SMAP1: variants seen among roughly 807,000 people sequenced by gnomAD.
SMAP1 encodes the protein stromal membrane-associated protein 1.
A neutral mutation model predicts 58.5 loss-of-function variants in SMAP1; 24 were observed. The ratio of observed to expected loss-of-function variants is 0.41; its 90% confidence interval spans 0.30 to 0.58. The LOEUF (loss-of-function observed/expected upper bound fraction) is 0.58. Among genes scored for constraint, SMAP1 ranks in the 20% least tolerant of loss-of-function variants. The probability of loss-of-function intolerance (pLI) is 0.29; values close to 1 mark genes in which losing one functional copy is unlikely to be tolerated. For missense variants in SMAP1, 563 were observed against 566.3 expected, an observed-to-expected ratio of 0.99 and a Z score of 0.06; for synonymous variants, 216 against 196.6, an observed-to-expected ratio of 1.10 and a Z score of -0.82.
intron 2 of SMAP1, among the ~76,000 whole-genome samples, chr6:70,742,768 A>C (rs1765868722): frequency 6.6e-6 from 1 of 152,226 alleles, no homozygotes; most frequent in Non-Finnish European, 1.5e-5. Context: ...AAGAGGTTTT[A>C]ATGGACTCAC....
At chr6:70,713,571 G>A (rs539053433) in intron 1 of SMAP1, among the ~76,000 whole-genome samples, 7 of 152,044 alleles carry the variant, frequency 4.6e-5, no homozygotes, top group Non-Finnish European at 7.4e-5. Flanking sequence ...TGTTCTTCTT[G>A]TTATCTAGTT....
intron 1 of SMAP1, among the ~76,000 whole-genome samples, chr6:70,686,076 C>T (rs868635286): frequency 3.9e-5 from 6 of 151,978 alleles, no homozygotes; most frequent in East Asian, 1.9e-4. Context: ...AACTAGAAAA[C>T]GCCATTTGAT....
chr6:70,695,555 C>T (rs1038902369), intron 1 of SMAP1, among the ~76,000 whole-genome samples: 1 of 152,002 alleles, frequency 6.6e-6, no homozygotes, highest in East Asian at 1.9e-4. Flanking sequence ...GGTTTTTGTC[C>T]TTCATTCAAT....
chr6:70,695,923 GA>G (rs1477366575), intron 1 of SMAP1, among the ~76,000 whole-genome samples: 8 of 152,092 alleles, frequency 5.3e-5, no homozygotes, highest in African/African-American at 1.4e-4. Flanking sequence ...TCTTTGCTGG[GA>G]TACTTTGTAT....
chr6:70,705,192 T>C (rs954552497), intron 1 of SMAP1, among the ~76,000 whole-genome samples: 2 of 152,158 alleles, frequency 1.3e-5, no homozygotes, highest in African/African-American at 4.8e-5. Flanking sequence ...TTCAAAGTTA[T>C]ACTGCATTTA....
At chr6:70,703,385 A>T (rs139228242) in intron 1 of SMAP1, among the ~76,000 whole-genome samples, 1 of 152,102 alleles carries the variant, frequency 6.6e-6, no homozygotes. Flanking sequence ...GCATTTTTCA[A>T]TTGAATGCTA....
chr6:70,830,808 A>G (rs1295725170), intron 6 of SMAP1, among the ~76,000 whole-genome samples: 1 of 152,224 alleles, frequency 6.6e-6, no homozygotes, highest in Non-Finnish European at 1.5e-5. Flanking sequence ...AACATTGGTG[A>G]TTTATATTGT....
At chr6:70,671,580 G>C (rs1766267892) in intron 1 of SMAP1, among the ~76,000 whole-genome samples, 1 of 152,084 alleles carries the variant, frequency 6.6e-6, no homozygotes, top group South Asian at 2.1e-4. Flanking sequence ...TCCGTCTCAG[G>C]GAAAAACAAA....
chr6:70,722,106 T>C (rs1201663667), intron 1 of SMAP1, among the ~76,000 whole-genome samples: 2 of 152,202 alleles, frequency 1.3e-5, no homozygotes, highest in Non-Finnish European at 2.9e-5. Flanking sequence ...GGACAACAAA[T>C]TTGTCAAGCT....
intron 4 of SMAP1, among the ~76,000 whole-genome samples, chr6:70,784,823 T>A (rs951542219): frequency 3.3e-4 from 50 of 152,118 alleles, no homozygotes; most frequent in African/African-American, 1.1e-3. Flanking sequence ...GTGACCTACA[T>A]AAAGACTTAG....
At chr6:70,823,350 T>G (rs575622132) in intron 6 of SMAP1, among the ~76,000 whole-genome samples, 1 of 152,298 alleles carries the variant, frequency 6.6e-6, no homozygotes, top group Non-Finnish European at 1.5e-5. Flanking sequence ...CACAAGTGCC[T>G]CTATCCTGCA....
At chr6:70,839,458 A>G (rs190935298) in intron 7 of SMAP1, among the ~76,000 whole-genome samples, 32 of 152,224 alleles carry the variant, frequency 2.1e-4, no homozygotes, top group African/African-American at 7.7e-4. Context: ...ACTAACATTT[A>G]TTTCTGTCAC....
At chr6:70,845,922 T>C (rs1367710481) in intron 7 of SMAP1, among the ~76,000 whole-genome samples, 1 of 152,148 alleles carries the variant, frequency 6.6e-6, no homozygotes, top group Non-Finnish European at 1.5e-5. Context: ...AGCCCTGGTG[T>C]AGGGATTCTA....
At chr6:70,810,156 C>T (rs1769325218) in intron 6 of SMAP1, among the ~76,000 whole-genome samples, 1 of 152,090 alleles carries the variant, frequency 6.6e-6, no homozygotes, top group Non-Finnish European at 1.5e-5. Flanking sequence ...TATGTTTCCT[C>T]CAAGTGTATT....
intron 5 of SMAP1, among the ~76,000 whole-genome samples, chr6:70,794,887 C>G (rs1286444621): frequency 6.7e-6 from 1 of 149,442 alleles, no homozygotes; most frequent in Non-Finnish European, 1.5e-5. Context: ...CTCCCGGGTT[C>G]ACGCCATTCT....
At chr6:70,786,543 A>G (rs1768039486) in intron 4 of SMAP1, among the ~76,000 whole-genome samples, 1 of 149,932 alleles carries the variant, frequency 6.7e-6, no homozygotes, top group Non-Finnish European at 1.5e-5. Flanking sequence ...ATGATTGTAT[A>G]TCTAGAAAAC....
At chr6:70,801,059 T>G (rs1768827338) in intron 6 of SMAP1, among the ~76,000 whole-genome samples, 2 of 152,196 alleles carry the variant, frequency 1.3e-5, no homozygotes, top group Non-Finnish European at 2.9e-5. Context: ...GGTCAAATGG[T>G]ATTTCTAGTT....
chr6:70,717,530 T>C (rs1302100714), intron 1 of SMAP1, among the ~76,000 whole-genome samples: 5 of 152,212 alleles, frequency 3.3e-5, no homozygotes, highest in Middle Eastern at 3.2e-3. Flanking sequence ...GTGTCTAAAC[T>C]TTTTCTACCT....
Position 70,809,386 on chromosome 6 carries a change from T to A in SMAP1, c.576+10649T>A, listed in dbSNP as rs188638058. Among the ~76,000 whole-genome samples, 275 of 152,340 alleles carry A rather than the reference T, an allele frequency of 1.8e-3. 1 individual carries two copies. Among genetic ancestry groups the A allele is most frequent in the Non-Finnish European group, 3.1e-3 (211 of 68,024 alleles). ...GTTAATACAATTTAAAAAATACATT[T>A]GTATTTGATAAATATGTCAGCTAAC... On this transcript the variant is annotated intron_variant, in intron 6 of 10. Transcript: ENST00000370455.
Sources: allele counts gnomAD v4.1 joint callset (sites outside exome capture counted in the v4.1 genomes callset), GRCh38; gene constraint gnomAD v4.1.1; transcripts MANE v1.5; gene names NCBI Gene and HGNC (gene_info 2026-07-23, HGNC 2026-07-21).